The following IREB2 variants were observed in gnomAD, a reference collection of about 807,000 sequenced individuals.
IREB2 encodes the protein iron responsive element binding protein 2.
In IREB2, 39 loss-of-function variants were observed where a neutral mutation model predicts 118.8. That is an observed-to-expected ratio of 0.33 (90% CI 0.25 to 0.43). IREB2 has a LOEUF of 0.43. Ranked by LOEUF, IREB2 falls within the 20% of genes least tolerant of loss-of-function variation. The pLI, the probability that IREB2 is intolerant of heterozygous loss-of-function variation, is 1.00. For synonymous variants in IREB2, 372 were observed against 392.2 expected, an observed-to-expected ratio of 0.95 and a Z score of 0.61; for missense variants, 900 against 1,147.3, an observed-to-expected ratio of 0.78 and a Z score of 3.11.
At chr15:78,467,953 G>C (rs1264024985) in intron 5 of IREB2, among the ~76,000 whole-genome samples, 1 of 151,902 alleles carries the variant, frequency 6.6e-6, no homozygotes, top group African/African-American at 2.4e-5. Flanking sequence ...TCGATCTCTT[G>C]GACTCAGGTG....
rs1320437491 is a variant in IREB2 at position 78,497,112 on chromosome 15, C to G, written c.2596-14C>G. The stretch of plus-strand genomic sequence containing the variant: ...AGAAGTGATTAGAGGGAATAAAATG[C>G]ACATTTATTACAGGGTGTGAAAGCT... On this transcript the variant is annotated splice_polypyrimidine_tract_variant and intron_variant, in intron 20 of 21. Transcript: ENST00000258886. The G allele has an allele frequency of 1.9e-6, 3 of 1,598,974 alleles. No homozygotes were observed. In the Admixed American group the frequency reaches 5.0e-5, roughly 27 times the overall value.
At chr15:78,493,412 G>GA (rs200401406) in intron 18 of IREB2, among the ~76,000 whole-genome samples, 1,615 of 151,846 alleles carry the variant, frequency 0.011, 13 homozygotes, top group Middle Eastern at 0.017. Flanking sequence ...GTGTTTGGTT[G>GA]AAAAAAAATC....
At position 78,498,159 on chromosome 15, in the gene IREB2, G is replaced by C. The variant is rs1351400671; in HGVS notation, c.*16G>C. ...ATTCTCATAGTATCTACTTACCATA[G>C]ATACCTTTCATAACTGGTAACTGCA... is the stretch of plus-strand genomic sequence containing the variant. On this transcript the variant is annotated 3_prime_UTR_variant, in exon 22 of 22. Transcript: ENST00000258886. 7.1e-7 allele frequency: 1 copy of C among 1,409,070 alleles called. No homozygotes were observed. Among genetic ancestry groups the C allele is most frequent in the African/African-American group, 1.4e-5 (1 of 70,846 alleles). The allele number at this position is 1,409,070 out of a possible 1,614,324, so 87.3% of individuals were successfully genotyped here. A position where few individuals can be genotyped will look rare whatever the true frequency, so the allele number is the denominator to read the frequency against.
intron 2 of IREB2, among the ~76,000 whole-genome samples, chr15:78,446,802 G>A (rs1161341696): frequency 6.6e-6 from 1 of 151,986 alleles, no homozygotes; most frequent in African/African-American, 2.4e-5. Flanking sequence ...GGAGGCCACA[G>A]GCCACCGAGA....
Position 78,438,363 on chromosome 15 carries a change from T to A in IREB2, c.19+7T>A. On this transcript the variant is annotated splice_region_variant and intron_variant, in intron 1 of 21. Coordinates refer to ENST00000258886, the MANE Select transcript of IREB2 (RefSeq NM_004136.4). The stretch of plus-strand genomic sequence containing the variant: ...ATGGACGCCCCAAAAGCAGGTCAGT[T>A]TCGGGCCTCCGAGCTGGGTCTGGCA... The A allele has an allele frequency of 6.3e-7, 1 of 1,597,264 alleles. No individual in the cohort carries two copies.
At chr15:78,467,419 C>T (rs913263236) in intron 5 of IREB2, among the ~76,000 whole-genome samples, 9 of 152,068 alleles carry the variant, frequency 5.9e-5, no homozygotes, top group South Asian at 4.2e-4. Flanking sequence ...TGGCCAGGCG[C>T]GGTGGCGCAT....
chr15:78,460,563 A>C (rs1043467152), intron 2 of IREB2, among the ~76,000 whole-genome samples: 1 of 152,210 alleles, frequency 6.6e-6, no homozygotes, highest in Admixed American at 6.5e-5. Flanking sequence ...CAAGATATCC[A>C]GGCTCATTTT....
intron 2 of IREB2, among the ~76,000 whole-genome samples, chr15:78,453,747 G>T (rs2051062615): frequency 6.6e-6 from 1 of 152,200 alleles, no homozygotes; most frequent in African/African-American, 2.4e-5. Context: ...AGGAAACGGG[G>T]CTAGGTCCTC....
intron 10 of IREB2, among the ~76,000 whole-genome samples, chr15:78,482,178 C>T (rs937417258): frequency 2.0e-5 from 3 of 151,956 alleles, no homozygotes; most frequent in Non-Finnish European, 4.4e-5. Context: ...TGCATTTAGT[C>T]CTGACTGTGC....
In IREB2 at chr15:78,476,084, C is replaced by T. The variant is rs2051464615; in HGVS notation, c.1024-104C>T. The stretch of plus-strand genomic sequence containing the variant: ...GACAATGAAGGATCTCATTCCTTCA[C>T]CATCACTAGTATTGGTTAAAAATTT... On this transcript the variant is annotated intron_variant, in intron 8 of 21. Transcript: ENST00000258886. The T allele has an allele frequency of 7.0e-6, 5 of 718,154 alleles. No homozygotes were observed. In the East Asian group the frequency reaches 1.3e-4, roughly 19 times the overall value. 44.5% of individuals were successfully genotyped at this position (718,154 alleles called of 1,614,324 possible). A position where few individuals can be genotyped will look rare whatever the true frequency, so the allele number is the denominator to read the frequency against.
Position 78,465,761 on chromosome 15 carries a change from C to T in IREB2, c.410+373C>T, listed in dbSNP as rs191711744. ...ATTAAAAACATTGAACTCACTAAAGCTCTATTTTCCTTCCTCTGAAATAAG... is the reference window on the plus strand; with the variant it reads ...ATTAAAAACATTGAACTCACTAAAGTTCTATTTTCCTTCCTCTGAAATAAG... On this transcript the variant is annotated intron_variant, in intron 4 of 21. Transcript: ENST00000258886. Among the ~76,000 whole-genome samples the T allele has an allele frequency of 2.4e-4, 36 of 152,214 alleles. No homozygotes were observed. The East Asian group carries it at 6.4e-3, about 27-fold the overall frequency.
rs1204489031 is a variant in IREB2, at chr15:78,500,277, C to G, written c.*2134C>G. The G allele has an allele frequency of 6.6e-6, 1 of 152,172 alleles. No homozygotes were observed. The highest frequency in any genetic ancestry group is 1.5e-5 in the Non-Finnish European group (1 of 68,038). The allele number at this position is 152,172 out of a possible 1,614,324, so 9.4% of individuals were successfully genotyped here. On this transcript the variant is annotated 3_prime_UTR_variant, in exon 22 of 22. Transcript: ENST00000258886. The stretch of plus-strand genomic sequence containing the variant: ...TTAAACATTCACATATCCAGTCTAC[C>G]TGGTCCAGTAATAATACAAGCAAAT...
At position 78,490,772 on chromosome 15, in the gene IREB2, A is replaced by G. The variant is rs375925879; in HGVS notation, c.2324+11A>G. On this transcript the variant is annotated intron_variant, in intron 18 of 21. Coordinates refer to ENST00000258886, the MANE Select transcript of IREB2 (RefSeq NM_004136.4). Reference sequence around the variant, plus strand: ...TTTGACAAACAGAGGGTATGTGTACATGGCTTTAGAGTGTTTTTGTTTTTT... The same window carrying G: ...TTTGACAAACAGAGGGTATGTGTACGTGGCTTTAGAGTGTTTTTGTTTTTT... 1.3e-5 allele frequency: 21 copies of G among 1,612,748 alleles called. No homozygotes were observed. Among genetic ancestry groups the G allele is most frequent in the Admixed American group, 5.0e-5 (3 of 59,618 alleles).
At chr15:78,487,460 G>A (rs963143180) in intron 13 of IREB2, among the ~76,000 whole-genome samples, 16 of 152,106 alleles carry the variant, frequency 1.1e-4, no homozygotes, top group African/African-American at 3.1e-4. Context: ...GGTGGCGAGC[G>A]CCTGTGGCCC....
chr15:78,487,754 A>T lies in IREB2; in HGVS notation c.1731A>T (p.Gly577=), dbSNP rs763321785. ...SKLGFEIVGY[G]CSICVGNTAP... is the part of the protein sequence containing the mutation. ...GCAGATTTGAAATCGTTGGCTATGG[A>T]TGTTCAATTTGTGTGGGAAATACAG... Residue 577 remains glycine, a synonymous_variant, in exon 14 of 22, where the codon GGA becomes GGT. Transcript: ENST00000258886. The T allele has an allele frequency of 6.2e-7, 1 of 1,604,660 alleles. No homozygotes were observed. Among genetic ancestry groups the T allele is most frequent in the African/African-American group, 1.3e-5 (1 of 74,832 alleles).
In IREB2 at chr15:78,438,227, C is replaced by T. The variant is rs534611251; in HGVS notation, c.-111C>T. The T allele has an allele frequency of 1.3e-5, 11 of 855,056 alleles. No individual in the cohort carries two copies. The highest frequency in any genetic ancestry group is 2.2e-4 in the Middle Eastern group (1 of 4,598). 53.0% of individuals were successfully genotyped at this position (855,056 alleles called of 1,614,324 possible). ...CGCGATATTTGCGCGAGCCTGCTTC[C>T]TTCTTTCCTCCCTTGCCAGTCCGCC... is the stretch of plus-strand genomic sequence containing the variant. On this transcript the variant is annotated 5_prime_UTR_variant, in exon 1 of 22. Transcript: ENST00000258886.
chr15:78,493,922 G>A lies in IREB2; in HGVS notation c.2338G>A (p.Glu780Lys), dbSNP rs1175854187. 1.9e-6 allele frequency: 3 copies of A among 1,613,248 alleles called. No individual in the cohort carries two copies. The South Asian group carries it at 3.3e-5, about 18-fold the overall frequency. The change falls in exon 19 of 22, where the codon GAA (glutamate) becomes AAA (lysine). Residue 780 changes from glutamate to lysine, a missense_variant. Transcript: ENST00000258886. ...ACTTTCTTGTAGCCTTACCCCTCGT[G>A]AATTCAACTCTTACGGAGCTCGAAG... is the stretch of plus-strand genomic sequence containing the variant. ...YLTNRGLTPR[E>K]FNSYGARRGN...
intron 8 of IREB2, 139 bp downstream of exon 8, chr15:78,473,520 A>G (rs780445556): frequency 6.3e-6 from 4 of 637,828 alleles, no homozygotes; most frequent in Non-Finnish European, 1.1e-5. Context: ...CATAGTTATC[A>G]TAGTAATAAC....
At position 78,461,870 on chromosome 15, in the gene IREB2, C is replaced by A. The variant is rs2051202922; in HGVS notation, c.107-1052C>A. Among the ~76,000 whole-genome samples, 3 of 152,154 alleles carry A rather than the reference C, an allele frequency of 2.0e-5. No homozygotes were observed. The South Asian group carries it at 6.2e-4, about 31-fold the overall frequency. Reference sequence around the variant, plus strand: ...AATCTCTGAATAGCAGCACTAATGACTGAATATAGTTTTCTTTCTTTGTGA... The same window carrying A: ...AATCTCTGAATAGCAGCACTAATGAATGAATATAGTTTTCTTTCTTTGTGA... On this transcript the variant is annotated intron_variant, in intron 2 of 21. Transcript: ENST00000258886.
Sources: gnomAD v4.1 joint callset for allele counts (sites outside exome capture counted in the v4.1 genomes callset) on GRCh38, gnomAD v4.1.1 for gene constraint, MANE v1.5 for transcripts, NCBI Gene and HGNC (gene_info 2026-07-23, HGNC 2026-07-21) for gene names.